CALN1: variants seen among roughly 807,000 people sequenced by gnomAD.
CALN1 encodes calcium-binding protein 8.
CALN1 carries 17 observed loss-of-function variants against 30.6 expected under a neutral mutation model. That is an observed-to-expected ratio of 0.56 (90% confidence interval 0.38 to 0.83). The LOEUF (loss-of-function observed/expected upper bound fraction) is 0.83. Ranked by LOEUF, CALN1 falls within the 40% of genes least tolerant of loss-of-function variation. The pLI, the probability that CALN1 is intolerant of heterozygous loss-of-function variation, is 0.00. For missense variants in CALN1, 291 were observed against 354.9 expected, an observed-to-expected ratio of 0.82 and a Z score of 1.45; for synonymous variants, 156 against 131.4, an observed-to-expected ratio of 1.19 and a Z score of -1.28.
At chr7:72,271,563 T>TAAAAAA (rs1426004146) in intron 3 of CALN1, among the ~76,000 whole-genome samples, 2 of 76,308 alleles carry the variant, frequency 2.6e-5, no homozygotes, top group South Asian at 4.8e-4. Context: ...TGCCTGCCTT[T>TAAAAAA]TAAAAAAAAA....
In CALN1 at chr7:72,280,000, T is replaced by G. The variant is rs536996215; in HGVS notation, c.120-1190A>C. Among the ~76,000 whole-genome samples the G allele has an allele frequency of 2.6e-5, 4 of 152,228 alleles. No individual in the cohort carries two copies. The East Asian group carries it at 7.7e-4, about 29-fold the overall frequency. ...GTGAAACCCCTGAAAATTAAAAGGTTTAACCAGGAGCACAAAGCCAGTTAG... is the reference window on the plus strand; with the variant it reads ...GTGAAACCCCTGAAAATTAAAAGGTGTAACCAGGAGCACAAAGCCAGTTAG... On this transcript the variant is annotated intron_variant, in intron 2 of 6. Transcript: ENST00000395275.
In CALN1 at chr7:72,347,236, CT is replaced by C. The variant is rs112169784; in HGVS notation, c.119+56014del. On this transcript the variant is annotated intron_variant, in intron 2 of 6. Transcript: ENST00000395275. Reference sequence around the variant, plus strand: ...CTAAAACCCAAAGACAATTTTTTTTCTTTTTTTTTTTCCTTTTTTCTTTTTT... The same window carrying C: ...CTAAAACCCAAAGACAATTTTTTTTCTTTTTTTTTTCCTTTTTTCTTTTTT... 7.7e-3 allele frequency among the ~76,000 whole-genome samples: 1,123 copies of C among 145,842 alleles called. 3 individuals are homozygous for C. The highest frequency in any genetic ancestry group is 0.011 in the Non-Finnish European group (743 of 65,838).
At chr7:71,922,215 T>G (rs1285526369) in intron 5 of CALN1, among the ~76,000 whole-genome samples, 1 of 152,172 alleles carries the variant, frequency 6.6e-6, no homozygotes, top group Non-Finnish European at 1.5e-5. Context: ...ATTACTTATC[T>G]TGTCTCTTTG....
intron 2 of CALN1, among the ~76,000 whole-genome samples, chr7:72,395,023 G>A (rs1805826423): frequency 6.6e-6 from 1 of 152,158 alleles, no homozygotes; most frequent in South Asian, 2.1e-4. Flanking sequence ...CTGCGTATGT[G>A]TGTCACCTGA....
intron 5 of CALN1, among the ~76,000 whole-genome samples, chr7:72,004,589 GA>G (rs1343514772): frequency 6.6e-6 from 1 of 151,998 alleles, no homozygotes. Flanking sequence ...AGAAGAGAAT[GA>G]AAAGATAAAC....
At chr7:72,227,774 T>G (rs986152385) in intron 3 of CALN1, among the ~76,000 whole-genome samples, 1 of 151,954 alleles carries the variant, frequency 6.6e-6, no homozygotes, top group South Asian at 2.1e-4. Flanking sequence ...CACTCGAACC[T>G]GGGAGGCGGG....
At chr7:71,938,684 A>T (rs1795970429) in intron 5 of CALN1, among the ~76,000 whole-genome samples, 1 of 152,014 alleles carries the variant, frequency 6.6e-6, no homozygotes, top group Non-Finnish European at 1.5e-5. Flanking sequence ...AGTCACAGCT[A>T]CTCGGGAGCC....
chr7:72,361,165 A>C (rs1032766121), intron 2 of CALN1, among the ~76,000 whole-genome samples: 3 of 152,164 alleles, frequency 2.0e-5, no homozygotes, highest in African/African-American at 7.2e-5. Context: ...TGCACAAATC[A>C]AGATGAAGCA....
chr7:71,982,154 C>T (rs1193896277), intron 5 of CALN1, among the ~76,000 whole-genome samples: 1 of 152,146 alleles, frequency 6.6e-6, no homozygotes, highest in Non-Finnish European at 1.5e-5. Context: ...TGCCTCTGGT[C>T]AGCCAATGTG....
chr7:72,357,870 T>A (rs925308428), intron 2 of CALN1, among the ~76,000 whole-genome samples: 1 of 148,582 alleles, frequency 6.7e-6, no homozygotes, highest in East Asian at 1.9e-4. Context: ...ATATGTGTGT[T>A]TTTTTTTAGA....
intron 3 of CALN1, among the ~76,000 whole-genome samples, chr7:72,211,608 C>A (rs1250707408): frequency 6.6e-6 from 1 of 152,158 alleles, no homozygotes; most frequent in African/African-American, 2.4e-5. Flanking sequence ...ACACCTAGAG[C>A]ACGAAAAACA....
chr7:72,503,185 G>T, the CALN1 span, among the ~76,000 whole-genome samples: 1 of 152,058 alleles, frequency 6.6e-6, no homozygotes, highest in South Asian at 2.1e-4. Flanking sequence ...GTAAACCTCT[G>T]GCTATGAGTT....
chr7:71,998,176 T>C (rs1799346256), intron 5 of CALN1, among the ~76,000 whole-genome samples: 1 of 151,942 alleles, frequency 6.6e-6, no homozygotes, highest in African/African-American at 2.4e-5. Flanking sequence ...TGAGGGGAAA[T>C]AAAAACATTC....
intron 2 of CALN1, among the ~76,000 whole-genome samples, chr7:72,345,459 CAA>C (rs1336859833): frequency 8.1e-6 from 1 of 124,090 alleles, no homozygotes; most frequent in Non-Finnish European, 1.6e-5. Context: ...GACAAAAAGA[CAA>C]AAGAAAGAGA....
At position 72,382,835 on chromosome 7, in the gene CALN1, C is replaced by T. The variant is rs143753434; in HGVS notation, c.119+20416G>A. Reference sequence around the variant, plus strand: ...GAGATGGAGTCTCACCATTGCCAGGCTGGAGTGCAGGAGTGCGATCTTGGC... The same window carrying T: ...GAGATGGAGTCTCACCATTGCCAGGTTGGAGTGCAGGAGTGCGATCTTGGC... On this transcript the variant is annotated intron_variant, in intron 2 of 6. Coordinates refer to ENST00000395275, the MANE Select transcript of CALN1 (RefSeq NM_031468.4). 5.0e-3 allele frequency among the ~76,000 whole-genome samples: 765 copies of T among 152,294 alleles called. 3 individuals are homozygous for T. Among genetic ancestry groups the T allele is most frequent in the Non-Finnish European group, 6.3e-3 (431 of 68,018 alleles).
chr7:71,853,414 A>T (rs969189009), intron 5 of CALN1, among the ~76,000 whole-genome samples: 2 of 152,124 alleles, frequency 1.3e-5, no homozygotes, highest in Non-Finnish European at 2.9e-5. Context: ...TTTAACATAT[A>T]CATTATCTCA....
intron 3 of CALN1, among the ~76,000 whole-genome samples, chr7:72,170,029 C>T (rs1422829376): frequency 1.3e-5 from 2 of 152,162 alleles, no homozygotes; most frequent in African/African-American, 4.8e-5. Flanking sequence ...CAGGATCACA[C>T]TCTGTCACCC....
chr7:72,217,900 T>G (rs537597315), intron 3 of CALN1, among the ~76,000 whole-genome samples: 1 of 127,078 alleles, frequency 7.9e-6, no homozygotes, highest in African/African-American at 3.0e-5. Context: ...TGGACTGCAG[T>G]GGCACTATCT....
At chr7:72,494,800 G>C in the CALN1 span, among the ~76,000 whole-genome samples, 39 of 152,008 alleles carry the variant, frequency 2.6e-4, no homozygotes, top group African/African-American at 9.2e-4. Flanking sequence ...TCAAGAGTTC[G>C]AGGCTGCAGT....
Sources: gnomAD v4.1 joint callset for allele counts (sites outside exome capture counted in the v4.1 genomes callset) on GRCh38, gnomAD v4.1.1 for gene constraint, MANE v1.5 for transcripts, NCBI Gene and HGNC (gene_info 2026-07-23, HGNC 2026-07-21) for gene names.